RABGEF1: variants seen among roughly 807,000 people sequenced by gnomAD.
The protein encoded by RABGEF1 is RAB guanine nucleotide exchange factor 1.
A neutral mutation model predicts 57.3 loss-of-function variants in RABGEF1; 26 were observed. The observed-to-expected ratio is 0.45, with a 90% CI of 0.33 to 0.63. RABGEF1 has a LOEUF of 0.63. Ranked by LOEUF, RABGEF1 falls within the 20% of genes least tolerant of loss-of-function variation. The pLI is 0.02. For missense variants in RABGEF1, 464 were observed against 607.6 expected, an observed-to-expected ratio of 0.76 and a Z score of 2.48; for synonymous variants, 185 against 210.7, an observed-to-expected ratio of 0.88 and a Z score of 1.06.
At position 66,809,932 on chromosome 7, in the gene RABGEF1, A is replaced by G. The variant is rs1789226234; in HGVS notation, c.*648A>G. 1 of 152,676 alleles carries G rather than the reference A, an allele frequency of 6.5e-6. No homozygotes were observed. The highest frequency in any genetic ancestry group is 2.4e-5 in the African/African-American group (1 of 41,480). The allele number at this position is 152,676 out of a possible 1,614,324, so 9.5% of individuals were successfully genotyped here. ...TAAGAACGTGTTAGCCTTAACTTTG[A>G]GGTTCTATATAGTCAGAGACTATGA... is the stretch of plus-strand genomic sequence containing the variant. On this transcript the variant is annotated 3_prime_UTR_variant, in exon 9 of 9. Transcript: ENST00000284957.
the RABGEF1 span, among the ~76,000 whole-genome samples, chr7:66,675,751 C>G: frequency 6.6e-6 from 1 of 152,122 alleles, no homozygotes; most frequent in Non-Finnish European, 1.5e-5. Flanking sequence ...AAAATCAACA[C>G]ACACAAAAAT....
At chr7:66,747,280 C>T (rs916537696) in intron 1 of RABGEF1, among the ~76,000 whole-genome samples, 2 of 152,078 alleles carry the variant, frequency 1.3e-5, no homozygotes, top group African/African-American at 4.8e-5. Flanking sequence ...TTAATTTTCC[C>T]CCAGTAACAG....
chr7:66,664,419 A>T, the RABGEF1 span, among the ~76,000 whole-genome samples: 4 of 151,482 alleles, frequency 2.6e-5, no homozygotes, highest in African/African-American at 4.8e-5. Context: ...ATCTCTACAG[A>T]AGTTTTTTGT....
chr7:66,808,802 GTC>G, intron 8 of RABGEF1, 82 bp from the exon 9 acceptor site: 1 of 1,333,352 alleles, frequency 7.5e-7, no homozygotes, highest in Non-Finnish European at 1.0e-6. Context: ...GTTTTAAATG[GTC>G]TGTGATCAAA....
At chr7:66,738,007 G>GTTTTTTGTT (rs1354256419), upstream of RABGEF1, among the ~76,000 whole-genome samples, 1 of 119,402 alleles carries the variant, frequency 8.4e-6, no homozygotes, top group African/African-American at 2.8e-5. Context: ...TCTTGGTTGT[G>GTTTTTTGTT]TTTTTTGTTT....
the RABGEF1 span, among the ~76,000 whole-genome samples, chr7:66,672,347 G>C: frequency 1.3e-4 from 20 of 152,080 alleles, no homozygotes; most frequent in Non-Finnish European, 2.2e-4. Flanking sequence ...CAGGAGAATG[G>C]TGTGAACCTG....
chr7:66,748,891 A>C (rs1193211634), intron 1 of RABGEF1: 1 of 244,268 alleles, frequency 4.1e-6, no homozygotes, highest in African/African-American at 2.3e-5. Context: ...AAACCCTCAC[A>C]GAGTTTTCTG....
At chr7:66,676,350 TCCAGGATGC>T in the RABGEF1 span, among the ~76,000 whole-genome samples, 1 of 152,090 alleles carries the variant, frequency 6.6e-6, no homozygotes. Flanking sequence ...GAGGATTTGT[TCCAGGATGC>T]CCACATATAC....
At chr7:66,715,667 C>T (rs1372140380) in intron 2 of RABGEF1, among the ~76,000 whole-genome samples, 3 of 151,940 alleles carry the variant, frequency 2.0e-5, no homozygotes, top group African/African-American at 7.3e-5. Context: ...CAGAAAGCAT[C>T]GTTTATATAA....
intron 5 of RABGEF1, 41 bp downstream of exon 5, chr7:66,795,633 G>C: frequency 6.7e-7 from 1 of 1,502,324 alleles, no homozygotes; most frequent in Non-Finnish European, 9.3e-7. Context: ...GTATTGCACA[G>C]GGATGACTGC....
At chr7:66,725,891 C>T (rs765805369) in intron 2 of RABGEF1, among the ~76,000 whole-genome samples, 1 of 152,214 alleles carries the variant, frequency 6.6e-6, no homozygotes, top group Non-Finnish European at 1.5e-5. Context: ...CATGTGAAGA[C>T]CCAATCAGAG....
the RABGEF1 span, among the ~76,000 whole-genome samples, chr7:66,671,097 G>A: frequency 0.039 from 5,999 of 152,012 alleles, 166 homozygotes; most frequent in East Asian, 0.085. Context: ...TCCTGGCCTT[G>A]GGCAATCTTC....
At chr7:66,735,049 G>T (rs1797790485) in intron 2 of RABGEF1, among the ~76,000 whole-genome samples, 1 of 152,174 alleles carries the variant, frequency 6.6e-6, no homozygotes, top group African/African-American at 2.4e-5. Context: ...AGGCTAAAAA[G>T]AATTTATTTC....
chr7:66,721,485 T>C (rs1192853300), intron 2 of RABGEF1, among the ~76,000 whole-genome samples: 1 of 152,206 alleles, frequency 6.6e-6, no homozygotes, highest in Non-Finnish European at 1.5e-5. Context: ...CCTTGGCTCA[T>C]GGCCTCTTCC....
the RABGEF1 span, among the ~76,000 whole-genome samples, chr7:66,676,507 T>A: frequency 2.6e-5 from 4 of 152,314 alleles, no homozygotes; most frequent in African/African-American, 9.6e-5. Context: ...TTTGGTTAAA[T>A]AAATCCATGT....
At chr7:66,685,903 G>T (rs1790552083) in intron 1 of RABGEF1, among the ~76,000 whole-genome samples, 1 of 152,192 alleles carries the variant, frequency 6.6e-6, no homozygotes, top group African/African-American at 2.4e-5. Context: ...TCCCTCAAAT[G>T]TAGGAAATAC....
At chr7:66,670,881 A>C in the RABGEF1 span, among the ~76,000 whole-genome samples, 1 of 148,300 alleles carries the variant, frequency 6.7e-6, no homozygotes, top group African/African-American at 2.5e-5. Flanking sequence ...TATTTATTTA[A>C]TACACATACG....
At chr7:66,677,475 T>C (rs1175921553), upstream of RABGEF1, among the ~76,000 whole-genome samples, 1 of 152,066 alleles carries the variant, frequency 6.6e-6, no homozygotes, top group African/African-American at 2.4e-5. Context: ...TTTATAGAAA[T>C]CTACAGGCTG....
At chr7:66,708,409 T>C (rs1794382092) in intron 1 of RABGEF1, among the ~76,000 whole-genome samples, 1 of 152,028 alleles carries the variant, frequency 6.6e-6, no homozygotes, top group Non-Finnish European at 1.5e-5. Flanking sequence ...TGCCCCAGCC[T>C]CCCAAGTAGC....
Sources: allele counts gnomAD v4.1 joint callset (sites outside exome capture counted in the v4.1 genomes callset), GRCh38; gene constraint gnomAD v4.1.1; transcripts MANE v1.5; gene names NCBI Gene and HGNC (gene_info 2026-07-23, HGNC 2026-07-21).